PCSK5: variants seen among roughly 807,000 people sequenced by gnomAD.
The protein encoded by PCSK5 is prohormone convertase 5.
PCSK5 carries 129 observed loss-of-function variants against 233.2 expected under a neutral mutation model. The ratio of observed to expected loss-of-function variants is 0.55; its 90% confidence interval spans 0.48 to 0.64. PCSK5 has a LOEUF of 0.64. Among genes scored for constraint, PCSK5 ranks in the 30% least tolerant of loss-of-function variants. The pLI, the probability that PCSK5 is intolerant of heterozygous loss-of-function variation, is 0.00. For missense variants in PCSK5, 2,076 were observed against 2,430.1 expected (o/e 0.85, Z 3.06); for synonymous variants, 825 against 879.2 (o/e 0.94, Z 1.09).
intron 35 of PCSK5, among the ~76,000 whole-genome samples, chr9:76,346,159 T>A (rs1354095154): frequency 6.6e-6 from 1 of 151,346 alleles, no homozygotes; most frequent in Admixed American, 6.6e-5. Flanking sequence ...TTTTCCCACG[T>A]TTATTTTTGC....
intron 33 of PCSK5, among the ~76,000 whole-genome samples, chr9:76,329,799 C>G (rs1462606438): frequency 6.6e-6 from 1 of 152,062 alleles, no homozygotes; most frequent in Non-Finnish European, 1.5e-5. Context: ...CACCACTACA[C>G]TCCAGCCTAG....
chr9:76,189,593 G>A, intron 19 of PCSK5, 38 bp from the exon 20 acceptor site: 1 of 1,259,162 alleles, frequency 7.9e-7, no homozygotes, highest in Non-Finnish European at 1.2e-6. Flanking sequence ...CCCTGTGCAT[G>A]TGTGAATGGA....
At chr9:76,257,670 C>G (rs1367956283) in intron 24 of PCSK5, among the ~76,000 whole-genome samples, 2 of 152,142 alleles carry the variant, frequency 1.3e-5, no homozygotes, top group African/African-American at 4.8e-5. Context: ...CTGCGGCAAG[C>G]TGGAGAAGGA....
At position 76,023,725 on chromosome 9, in the gene PCSK5, C is replaced by A. The variant is rs373764945; in HGVS notation, c.412-13C>A. ...CTATTTAGTAATCTTGCAGCATGCT[C>A]TTCTTCTTTCAGCACTGCAGTGACA... On this transcript the variant is annotated splice_polypyrimidine_tract_variant and intron_variant, in intron 3 of 37. Transcript: ENST00000674117. 6.3e-7 allele frequency: 1 copy of A among 1,593,344 alleles called. No homozygotes were observed. The highest frequency in any genetic ancestry group is 8.5e-7 in the Non-Finnish European group (1 of 1,171,974).
At chr9:76,148,257 C>G (rs180755997) in intron 10 of PCSK5, among the ~76,000 whole-genome samples, 1 of 151,234 alleles carries the variant, frequency 6.6e-6, no homozygotes, top group Non-Finnish European at 1.5e-5. Flanking sequence ...TTCTTTGGCT[C>G]TTTACTTATT....
chr9:75,905,120 A>G (rs1826204244), intron 1 of PCSK5, among the ~76,000 whole-genome samples: 1 of 152,136 alleles, frequency 6.6e-6, no homozygotes, highest in Admixed American at 6.6e-5. Context: ...GACAGAGGGT[A>G]GATTTGTGGT....
chr9:76,117,281 C>T (rs1320063899), intron 9 of PCSK5, among the ~76,000 whole-genome samples: 2 of 152,054 alleles, frequency 1.3e-5, no homozygotes, highest in East Asian at 3.9e-4. Context: ...AACTTGGCTC[C>T]AATAGAGCCT....
At chr9:76,307,419 T>G (rs968498951) in intron 28 of PCSK5, among the ~76,000 whole-genome samples, 1 of 152,170 alleles carries the variant, frequency 6.6e-6, no homozygotes, top group African/African-American at 2.4e-5. Flanking sequence ...GTTTTCTAAT[T>G]TTTTCCTGTG....
chr9:76,051,862 T>C (rs937652614), intron 5 of PCSK5, among the ~76,000 whole-genome samples: 1 of 152,166 alleles, frequency 6.6e-6, no homozygotes, highest in African/African-American at 2.4e-5. Context: ...AACTAGTGGA[T>C]CTAAGTCTCA....
At chr9:76,044,677 A>G (rs1367866946) in intron 5 of PCSK5, among the ~76,000 whole-genome samples, 2 of 152,232 alleles carry the variant, frequency 1.3e-5, no homozygotes, top group African/African-American at 4.8e-5. Context: ...AGGAAAGCCT[A>G]GTAATAGCCT....
chr9:75,965,291 GGAGAGA>G (rs921302435), intron 2 of PCSK5, among the ~76,000 whole-genome samples: 1 of 141,758 alleles, frequency 7.1e-6, no homozygotes, highest in Non-Finnish European at 1.6e-5. Flanking sequence ...GTGTGTGTGT[GGAGAGA>G]GAGAGAGAAA....
intron 3 of PCSK5, among the ~76,000 whole-genome samples, chr9:76,002,215 A>T (rs1462706651): frequency 6.6e-6 from 1 of 152,200 alleles, no homozygotes; most frequent in African/African-American, 2.4e-5. Context: ...AGCTAGCTTT[A>T]TGTAATATCT....
At chr9:76,113,762 C>T (rs1201351799) in intron 9 of PCSK5, among the ~76,000 whole-genome samples, 2 of 151,998 alleles carry the variant, frequency 1.3e-5, no homozygotes, top group African/African-American at 4.8e-5. Context: ...CTAGTCTTAT[C>T]ATCTGTGTAT....
chr9:76,350,601 T>A (rs1165932103), intron 35 of PCSK5, among the ~76,000 whole-genome samples: 2 of 152,248 alleles, frequency 1.3e-5, no homozygotes, highest in African/African-American at 2.4e-5. Context: ...TAATAAAAGA[T>A]CTGTCATCCC....
intron 8 of PCSK5, among the ~76,000 whole-genome samples, chr9:76,101,935 T>C (rs1180121111): frequency 6.6e-6 from 1 of 152,350 alleles, no homozygotes; most frequent in East Asian, 1.9e-4. Flanking sequence ...TTTCTTCTTT[T>C]GACTTAGAAA....
At chr9:76,307,657 T>C (rs1366930135) in intron 28 of PCSK5, among the ~76,000 whole-genome samples, 1 of 152,062 alleles carries the variant, frequency 6.6e-6, no homozygotes, top group African/African-American at 2.4e-5. Flanking sequence ...AACCTACTTA[T>C]AGCCCGACCA....
chr9:76,044,891 C>T (rs1035509159), intron 5 of PCSK5, among the ~76,000 whole-genome samples: 25 of 152,126 alleles, frequency 1.6e-4, no homozygotes, highest in African/African-American at 5.6e-4. Context: ...ACTATTTCTG[C>T]TTTGTAATAA....
chr9:76,014,090 G>C (rs957257992), intron 3 of PCSK5, among the ~76,000 whole-genome samples: 2 of 151,818 alleles, frequency 1.3e-5, no homozygotes. Flanking sequence ...AGAGGAGGCA[G>C]AGGTTTCTCA....
chr9:75,891,323 C>T lies in PCSK5; in HGVS notation c.142C>T (p.Pro48Ser), dbSNP rs1266375207. 6.4e-7 allele frequency: 1 copy of T among 1,561,788 alleles called. No individual in the cohort carries two copies. Among genetic ancestry groups the T allele is most frequent in the South Asian group, 1.2e-5 (1 of 84,034 alleles). The change falls in exon 1 of 38, where the codon CCG becomes TCG. Residue 48 changes from proline (P) to serine (S), a missense_variant. Physicochemically the swap from Pro to Ser is moderately conservative, Grantham distance 74. This residue lies in a region of PCSK5 where 190 missense variants were observed against 216.3 expected (regional missense o/e 0.88). Transcript: ENST00000674117. ...GGCAGTCAAAATCGCCGGGGGCTTC[C>T]CGGAGGCCAACCGTATCGCCAGCAA... ...HWAVKIAGGFPEANRIASKYG... is the reference protein window; with the variant it reads ...HWAVKIAGGFSEANRIASKYG...
Sources: gnomAD v4.1 joint callset for allele counts (sites outside exome capture counted in the v4.1 genomes callset) on GRCh38, gnomAD v4.1.1 for gene constraint, gnomAD v4.1.1 regional missense constraint, MANE v1.5 for transcripts, NCBI Gene and HGNC (gene_info 2026-07-23, HGNC 2026-07-21) for gene names.